KAZN: variants seen among roughly 807,000 people sequenced by gnomAD.
The protein encoded by KAZN is kazrin.
In KAZN, 40 loss-of-function variants were observed where a neutral mutation model predicts 87.4. The ratio of observed to expected loss-of-function variants is 0.46; its 90% CI spans 0.36 to 0.60. The LOEUF is 0.60. Among genes scored for constraint, KAZN ranks in the 20% least tolerant of loss-of-function variants. The pLI is 0.00. For missense variants in KAZN, 898 were observed against 1,073.9 expected (o/e 0.84, Z 2.29); for synonymous variants, 466 against 458.3 (o/e 1.02, Z -0.22).
chr1:14,527,378 G>A lies in KAZN; in HGVS notation c.250-71605G>A, dbSNP rs529732216. On this transcript the variant is annotated intron_variant, in intron 2 of 16. Coordinates refer to the KAZN transcript ENST00000636203. Reference sequence around the variant, plus strand: ...AGCCTGGCCAACATGGTGAAACCCCGTCTCTACTAAAAATGCAAAAATTAG... The same window carrying A: ...AGCCTGGCCAACATGGTGAAACCCCATCTCTACTAAAAATGCAAAAATTAG... Among the ~76,000 whole-genome samples, 544 of 152,006 alleles carry A rather than the reference G, an allele frequency of 3.6e-3. 4 individuals are homozygous for A. Among genetic ancestry groups the A allele is most frequent in the Non-Finnish European group, 6.1e-3 (412 of 67,978 alleles).
chr1:14,638,482 C>T (rs1456983845), intron 1 of KAZN, among the ~76,000 whole-genome samples: 1 of 150,530 alleles, frequency 6.6e-6, no homozygotes, highest in Admixed American at 6.6e-5. Flanking sequence ...GGTAGGAGAA[C>T]GGCTTGAACC....
rs189353451 is a variant in KAZN at position 14,965,607 on chromosome 1, G to T, written c.418+4732G>T. Among the ~76,000 whole-genome samples, 23 of 152,272 alleles carry T rather than the reference G, an allele frequency of 1.5e-4. No homozygotes were observed. In the East Asian group the frequency reaches 4.2e-3, roughly 28 times the overall value. On this transcript the variant is annotated intron_variant, in intron 2 of 14. Transcript: ENST00000376030. ...TGACTACATAATGTTCTGCCAAATG[G>T]AGATACCATAATTTATTTAGCCGTT...
chr1:14,351,522 G>C (rs1453703222), intron 2 of KAZN, among the ~76,000 whole-genome samples: 1 of 152,284 alleles, frequency 6.6e-6, no homozygotes, highest in African/African-American at 2.4e-5. Flanking sequence ...TTGCACTACT[G>C]CACTCCAGCC....
At chr1:14,114,720 A>T (rs1644575538) in intron 1 of KAZN, among the ~76,000 whole-genome samples, 1 of 152,200 alleles carries the variant, frequency 6.6e-6, no homozygotes, top group African/African-American at 2.4e-5. Flanking sequence ...TCTAAAAGTG[A>T]TGACACACTG....
At chr1:14,969,719 C>T (rs552210570) in intron 2 of KAZN, among the ~76,000 whole-genome samples, 1 of 152,354 alleles carries the variant, frequency 6.6e-6, no homozygotes, top group East Asian at 1.9e-4. Flanking sequence ...GCCACTGGAC[C>T]TGCTTTCAGC....
intron 3 of KAZN, among the ~76,000 whole-genome samples, chr1:15,040,833 A>G (rs1672814454): frequency 6.6e-6 from 1 of 152,104 alleles, no homozygotes; most frequent in African/African-American, 2.4e-5. Context: ...CAAAACTGCA[A>G]CATTTCTGAA....
exon 1 of KAZN, chr1:13,892,953 C>A (rs61777378): frequency 0.1 from 15,212 of 152,142 alleles, 1,010 homozygotes; most frequent in East Asian, 0.37. Flanking sequence ...AGGGCCTAGG[C>A]GTCCCGAGTG....
chr1:14,469,769 G>A (rs1668351548), intron 2 of KAZN, among the ~76,000 whole-genome samples: 1 of 152,226 alleles, frequency 6.6e-6, no homozygotes, highest in Admixed American at 6.5e-5. Flanking sequence ...TAGCATTAAT[G>A]ATGGGTTGTT....
At chr1:14,108,094 G>C (rs566910158) in intron 1 of KAZN, among the ~76,000 whole-genome samples, 2 of 152,202 alleles carry the variant, frequency 1.3e-5, no homozygotes, top group East Asian at 3.9e-4. Context: ...TGGACCACGA[G>C]ATGCTCTAGA....
At position 14,599,050 on chromosome 1, in the gene KAZN, C is replaced by T. The variant is rs776250992; in HGVS notation, c.53C>T (p.Ser18Leu). The T allele has an allele frequency of 2.6e-6, 4 of 1,566,664 alleles. No homozygotes were observed. Among genetic ancestry groups the T allele is most frequent in the African/African-American group, 2.8e-5 (2 of 70,610 alleles). The change falls in exon 1 of 15, where the codon TCG becomes TTG. Residue 18 changes from serine to leucine, a missense_variant. Around this residue, in one of 3 missense-constraint regions of KAZN, gnomAD observed 250 missense variants for 263.0 expected, o/e 0.95. Transcript: ENST00000376030. The surrounding 1 kb of genome is among the most constrained non-coding windows in gnomAD (Gnocchi z 4.4). The stretch of plus-strand genomic sequence containing the variant: ...CTCCGCATCGATGGGGCGGTCCAGT[C>T]GGCCAGCCAGGAGGTGACCAACCTG... Reference protein sequence around the residue: ...LALRIDGAVQSASQEVTNLRA... With the variant: ...LALRIDGAVQLASQEVTNLRA...
At chr1:14,835,145 G>A (rs983023332) in intron 1 of KAZN, among the ~76,000 whole-genome samples, 1 of 152,172 alleles carries the variant, frequency 6.6e-6, no homozygotes, top group East Asian at 1.9e-4. Flanking sequence ...ATCCCTCCCC[G>A]AGAGGTATTG....
intron 2 of KAZN, among the ~76,000 whole-genome samples, chr1:15,026,998 C>T (rs2102199848): frequency 6.7e-6 from 1 of 150,124 alleles, no homozygotes; most frequent in East Asian, 2.0e-4. Flanking sequence ...GTTGACTGTA[C>T]TGTCAGCTGC....
intron 14 of KAZN, 80 bp from the exon 15 acceptor site, chr1:15,114,391 T>C: frequency 8.7e-7 from 1 of 1,154,372 alleles, no homozygotes; most frequent in Non-Finnish European, 1.3e-6. Context: ...GCAATTAGAA[T>C]TGGAGACATT....
chr1:14,417,824 A>T (rs1664930830), intron 2 of KAZN, among the ~76,000 whole-genome samples: 2 of 151,622 alleles, frequency 1.3e-5, no homozygotes, highest in South Asian at 4.2e-4. Context: ...GTGAAACCCC[A>T]TCCCTACTAA....
At chr1:14,551,348 A>G (rs1468383262) in intron 2 of KAZN, among the ~76,000 whole-genome samples, 2 of 152,212 alleles carry the variant, frequency 1.3e-5, no homozygotes, top group Non-Finnish European at 2.9e-5. Context: ...CTCGTATGAT[A>G]AAACTTTGCA....
At chr1:14,068,974 T>A (rs889204640) in intron 1 of KAZN, among the ~76,000 whole-genome samples, 1 of 152,066 alleles carries the variant, frequency 6.6e-6, no homozygotes, top group African/African-American at 2.4e-5. Flanking sequence ...AATTTTTGTA[T>A]TTTTAGTAGA....
chr1:15,003,149 G>A (rs528625909), intron 2 of KAZN, among the ~76,000 whole-genome samples: 6 of 152,250 alleles, frequency 3.9e-5, no homozygotes, highest in South Asian at 4.1e-4. Context: ...CTTGGGTTAC[G>A]TGGCACTCGT....
chr1:14,922,507 C>T (rs1658633985), intron 1 of KAZN, among the ~76,000 whole-genome samples: 1 of 152,158 alleles, frequency 6.6e-6, no homozygotes, highest in Non-Finnish European at 1.5e-5. Context: ...CCCAGCACTT[C>T]CCATGCCACT....
chr1:14,902,605 T>G (rs4661543), intron 1 of KAZN, among the ~76,000 whole-genome samples: 133,240 of 152,116 alleles, frequency 0.88, 58,414 homozygotes, highest in South Asian at 0.89. Flanking sequence ...AAAAATACAG[T>G]TCCTTTTACC....
Sources: gnomAD v4.1 joint callset for allele counts (sites outside exome capture counted in the v4.1 genomes callset) on GRCh38, gnomAD v4.1.1 for gene constraint, gnomAD v4.1.1 regional missense constraint, Gnocchi (gnomAD v3.1) non-coding constraint, MANE v1.5 for transcripts, NCBI Gene and HGNC (gene_info 2026-07-23, HGNC 2026-07-21) for gene names.